RGS12: variants seen among roughly 807,000 people sequenced by gnomAD.
RGS12 encodes regulator of G protein signaling 12.
RGS12 carries 66 observed loss-of-function variants against 120.1 expected under a neutral mutation model. The observed-to-expected ratio is 0.55, with a 90% CI of 0.45 to 0.67. The LOEUF is 0.67. Among genes scored for constraint, RGS12 ranks in the 30% least tolerant of loss-of-function variants. The pLI is 0.00. For missense variants in RGS12, 1,859 were observed against 1,957.7 expected (o/e 0.95, Z 0.95); for synonymous variants, 827 against 804.7 (o/e 1.03, Z -0.47).
intron 17 of RGS12, chr4:3,431,415 ACAG>A: frequency 1.0e-6 from 1 of 1,000,120 alleles, no homozygotes; most frequent in South Asian, 4.4e-5. Flanking sequence ...GCTCCCAGAC[ACAG>A]GCCCGTCCTC....
chr4:3,412,635 G>A (rs555277852), intron 4 of RGS12, among the ~76,000 whole-genome samples: 5 of 152,360 alleles, frequency 3.3e-5, no homozygotes, highest in South Asian at 4.1e-4. Context: ...GGAACATAGC[G>A]TATTTTATTA....
intron 2 of RGS12, among the ~76,000 whole-genome samples, chr4:3,330,111 A>T (rs1711669283): frequency 6.6e-6 from 1 of 152,226 alleles, no homozygotes; most frequent in African/African-American, 2.4e-5. Context: ...AAGCAAATGC[A>T]CCTGCTTACA....
intron 4 of RGS12, among the ~76,000 whole-genome samples, chr4:3,392,840 T>C (rs1719648103): frequency 6.6e-6 from 1 of 151,980 alleles, no homozygotes. Context: ...AATATAAAAA[T>C]AGCTGGGCAT....
chr4:3,323,980 C>T (rs950012073), intron 2 of RGS12: 2 of 152,314 alleles, frequency 1.3e-5, no homozygotes, highest in African/African-American at 4.8e-5. Context: ...GTTCATTTCA[C>T]CCAGTTTATT....
At chr4:3,373,437 C>G (rs962934433) in intron 3 of RGS12, among the ~76,000 whole-genome samples, 1 of 152,228 alleles carries the variant, frequency 6.6e-6, no homozygotes, top group Admixed American at 6.5e-5. Context: ...GACACCTCTG[C>G]TGGGTCATTT....
At chr4:3,294,358 G>A (rs1432338817) in intron 1 of RGS12, among the ~76,000 whole-genome samples, 1 of 152,240 alleles carries the variant, frequency 6.6e-6, no homozygotes, top group African/African-American at 2.4e-5. Flanking sequence ...GGGCTGCTGG[G>A]GTGGAGTCCT....
intron 1 of RGS12, among the ~76,000 whole-genome samples, chr4:3,308,594 C>T (rs1417154245): frequency 6.6e-6 from 1 of 152,212 alleles, no homozygotes; most frequent in Non-Finnish European, 1.5e-5. Context: ...CAGGCCACCA[C>T]CTGGCTGCCT....
At position 3,333,781 on chromosome 4, in the gene RGS12, G is replaced by A. The variant is rs186839818; in HGVS notation, c.1882-9156G>A. On this transcript the variant is annotated intron_variant, in intron 2 of 17. Coordinates refer to ENST00000336727, the MANE Select transcript of RGS12 (RefSeq NM_001394154.1). ...GGCAGGTTTTCTTGTCTGTGCTTGG[G>A]CCTCGCTGTTTTATGTAGATTCTAC... Among the ~76,000 whole-genome samples, 155 of 152,200 alleles carry A rather than the reference G, an allele frequency of 1.0e-3. 1 individual carries two copies. The highest frequency in any genetic ancestry group is 3.6e-3 in the African/African-American group (149 of 41,510).
intron 1 of RGS12, among the ~76,000 whole-genome samples, chr4:3,306,192 G>C (rs1430969882): frequency 6.6e-6 from 1 of 152,226 alleles, no homozygotes; most frequent in African/African-American, 2.4e-5. Context: ...TCTTGTTGGT[G>C]CTCAGCACAC....
chr4:3,404,541 A>T (rs1305056428), intron 4 of RGS12, among the ~76,000 whole-genome samples: 2 of 152,240 alleles, frequency 1.3e-5, no homozygotes, highest in South Asian at 4.1e-4. Context: ...GGACAAACAC[A>T]TCAGAGCTCA....
chr4:3,431,044 C>A, intron 17 of RGS12, 89 bp downstream of exon 17: 1 of 1,513,236 alleles, frequency 6.6e-7, no homozygotes. Flanking sequence ...CCCCCGGCTG[C>A]CACTGTTTGC....
At chr4:3,292,548 G>A (rs900172785), upstream of RGS12, among the ~76,000 whole-genome samples, 3 of 152,212 alleles carry the variant, frequency 2.0e-5, no homozygotes, top group Non-Finnish European at 2.9e-5. Flanking sequence ...CAGGTTTCCC[G>A]GGCACAGAGA....
intron 3 of RGS12, chr4:3,370,059 G>C (rs906785830): frequency 7.9e-7 from 1 of 1,264,372 alleles, no homozygotes; most frequent in East Asian, 3.0e-5. Flanking sequence ...TTATGTAAAC[G>C]GCGCTTCTTT....
Position 3,417,075 on chromosome 4 carries a change from G to A in RGS12, c.2590G>A (p.Val864Met), listed in dbSNP as rs779949523. The A allele has an allele frequency of 3.7e-6, 6 of 1,606,650 alleles. No homozygotes were observed. In the Admixed American group the frequency reaches 1.0e-4, roughly 27 times the overall value. ...KHSLGSDHSS[V>M]STPKKLSGKS... ...CAGCCTCGGTTCAGACCACTCCAGT[G>A]TGTCCACGCCAAAAAAGGTGACCTC... Residue 864 changes from valine to methionine, a missense_variant, in exon 8 of 18, where the codon GTG (valine) becomes ATG (methionine). This residue lies in a region of RGS12 where 375 missense variants were observed against 475.0 expected (regional missense o/e 0.79). Coordinates refer to ENST00000336727, the MANE Select transcript of RGS12 (RefSeq NM_001394154.1).
intron 17 of RGS12, among the ~76,000 whole-genome samples, chr4:3,434,466 C>T (rs1453062338): frequency 1.3e-5 from 2 of 152,084 alleles, no homozygotes; most frequent in Non-Finnish European, 2.9e-5. Context: ...GGTGTGTGCA[C>T]CTGCCATGTG....
At chr4:3,309,680 G>A (rs1176560919) in intron 1 of RGS12, among the ~76,000 whole-genome samples, 4 of 48,566 alleles carry the variant, frequency 8.2e-5, no homozygotes, top group South Asian at 2.2e-3. Flanking sequence ...GCAGGTGTCC[G>A]CTGAGGGGAA....
At chr4:3,290,253 T>G (rs1476441008), upstream of RGS12, among the ~76,000 whole-genome samples, 1 of 152,212 alleles carries the variant, frequency 6.6e-6, no homozygotes, top group African/African-American at 2.4e-5. Context: ...TGGCTGTATC[T>G]TAACCATTGT....
At chr4:3,375,862 T>C (rs548123099) in intron 3 of RGS12, among the ~76,000 whole-genome samples, 1 of 152,354 alleles carries the variant, frequency 6.6e-6, no homozygotes, top group South Asian at 2.1e-4. Flanking sequence ...CACTCATCTT[T>C]CCTTGCGGGG....
intron 2 of RGS12, among the ~76,000 whole-genome samples, chr4:3,330,219 A>AT (rs1268136744): frequency 1.3e-5 from 2 of 152,226 alleles, no homozygotes; most frequent in African/African-American, 4.8e-5. Context: ...TCCATACTCC[A>AT]TAACTCCTAG....
Sources: gnomAD v4.1 joint callset for allele counts (sites outside exome capture counted in the v4.1 genomes callset) on GRCh38, gnomAD v4.1.1 for gene constraint, gnomAD v4.1.1 regional missense constraint, MANE v1.5 for transcripts, NCBI Gene and HGNC (gene_info 2026-07-23, HGNC 2026-07-21) for gene names.